The following PCDHGA5 variants were observed in gnomAD, a reference collection of about 807,000 sequenced individuals.
PCDHGA5 encodes protocadherin gamma-A5.
In PCDHGA5, 36 loss-of-function variants were observed where a neutral mutation model predicts 56.7. The ratio of observed to expected loss-of-function variants is 0.64; its 90% CI spans 0.49 to 0.84. The LOEUF is 0.84. Among genes scored for constraint, PCDHGA5 ranks in the 40% least tolerant of loss-of-function variants. The pLI is 0.00. For synonymous variants in PCDHGA5, 563 were observed against 520.2 expected, an observed-to-expected ratio of 1.08 and a Z score of -1.12; for missense variants, 1,305 against 1,201.5, an observed-to-expected ratio of 1.09 and a Z score of -1.27.
At chr5:141,421,512 G>A in intron 1 of PCDHGA5, 1 of 1,614,094 alleles carries the variant, frequency 6.2e-7, no homozygotes, top group Non-Finnish European at 8.5e-7. Flanking sequence ...ACCGGGAGGA[G>A]CTCTGTGAGA....
At chr5:141,466,058 C>T (rs970494567) in intron 1 of PCDHGA5, among the ~76,000 whole-genome samples, 2 of 152,046 alleles carry the variant, frequency 1.3e-5, no homozygotes, top group African/African-American at 4.8e-5. Flanking sequence ...GGAGACGGAG[C>T]TTGCAGTGAG....
intron 1 of PCDHGA5, chr5:141,410,053 C>T: frequency 6.2e-7 from 1 of 1,613,160 alleles, no homozygotes; most frequent in African/African-American, 1.3e-5. Context: ...CCGGACTCTT[C>T]AGCCTGGGGC....
At chr5:141,395,485 T>C (rs2093239128) in intron 1 of PCDHGA5, 2 of 522,170 alleles carry the variant, frequency 3.8e-6, no homozygotes, top group Non-Finnish European at 6.6e-6. Context: ...TTATTCCTAT[T>C]ATCACTCATT....
chr5:141,487,356 C>T lies in PCDHGA5; in HGVS notation c.2422-7451C>T. 6.2e-7 allele frequency: 1 copy of T among 1,614,220 alleles called. No individual in the cohort carries two copies. The highest frequency in any genetic ancestry group is 8.5e-7 in the Non-Finnish European group (1 of 1,180,042). ...GCCTGTGGAGTCACATGCTTTCCTG[C>T]TGGCACCTGTGCCTGTCTCACCAGA... On this transcript the variant is annotated intron_variant, in intron 1 of 3. Transcript: ENST00000518069. This position sits in a 1 kb window ranked among gnomAD's most constrained non-coding sequence, Gnocchi z 5.0.
At chr5:141,380,706 T>C (rs1203086162) in intron 1 of PCDHGA5, among the ~76,000 whole-genome samples, 1 of 152,260 alleles carries the variant, frequency 6.6e-6, no homozygotes, top group Non-Finnish European at 1.5e-5. Context: ...GTCTATAATT[T>C]AATTTAACTA....
Position 141,432,206 on chromosome 5 carries a change from G to T in PCDHGA5, c.2422-62601G>T, listed in dbSNP as rs551220443. ...GACCGCCCACGACCCCGACTGTGAA[G>T]AGAACGCCCAGATCACTTATTCCCT... On this transcript the variant is annotated intron_variant, in intron 1 of 3. Coordinates refer to ENST00000518069, the MANE Select transcript of PCDHGA5 (RefSeq NM_018918.3). The surrounding 1 kb of genome is among the most constrained non-coding windows in gnomAD (Gnocchi z 6.0). 12 of 1,614,214 alleles carry T rather than the reference G, an allele frequency of 7.4e-6. No individual in the cohort carries two copies. The Admixed American group carries it at 8.3e-5, about 11-fold the overall frequency.
intron 1 of PCDHGA5, among the ~76,000 whole-genome samples, chr5:141,467,743 C>T (rs1166073224): frequency 8.5e-5 from 13 of 152,052 alleles, no homozygotes; most frequent in Non-Finnish European, 1.8e-4. Flanking sequence ...CTCGCTGCAA[C>T]CTCCGCCTCA....
chr5:141,383,095 A>G, intron 1 of PCDHGA5: 1 of 1,613,956 alleles, frequency 6.2e-7, no homozygotes, highest in Non-Finnish European at 8.5e-7. Context: ...CGGAGTCCGC[A>G]TCATCTCCAG....
intron 1 of PCDHGA5, chr5:141,414,950 TGACCAA>T (rs778670321): frequency 6.2e-7 from 1 of 1,614,030 alleles, no homozygotes; most frequent in South Asian, 1.1e-5. Context: ...GGCTACCTGG[TGACCAA>T]GGTGGTGGCG....
intron 1 of PCDHGA5, among the ~76,000 whole-genome samples, chr5:141,484,837 T>C (rs1289449270): frequency 6.6e-6 from 1 of 151,620 alleles, no homozygotes; most frequent in Non-Finnish European, 1.5e-5. Context: ...GGCGAAAAGA[T>C]AGGCTGGGTT....
In PCDHGA5 at chr5:141,493,364, TTGGAAC is replaced by T. The variant is rs1405602213; in HGVS notation, c.2422-1441_2422-1436del. Among the ~76,000 whole-genome samples, 1 of 152,184 alleles carries T rather than the reference TTGGAAC, an allele frequency of 6.6e-6. No homozygotes were observed. Among genetic ancestry groups the T allele is most frequent in the South Asian group, 2.1e-4 (1 of 4,824 alleles). On this transcript the variant is annotated intron_variant, in intron 1 of 3. Coordinates refer to ENST00000518069, the MANE Select transcript of PCDHGA5 (RefSeq NM_018918.3). The surrounding 1 kb of genome is among the most constrained non-coding windows in gnomAD (Gnocchi z 4.3). Reference sequence around the variant, plus strand: ...ATGTGTGCTTTTAATTTCTTGGCACTTGGAACTTTAAAAGCTTGAGGACAGGAGAGG... The same window carrying T: ...ATGTGTGCTTTTAATTTCTTGGCACTTTTAAAAGCTTGAGGACAGGAGAGG...
At chr5:141,433,045 C>T (rs1183696623) in intron 1 of PCDHGA5, 1 of 1,614,196 alleles carries the variant, frequency 6.2e-7, no homozygotes, top group South Asian at 1.1e-5. Flanking sequence ...TCACCACGGA[C>T]TCGCGGAAGA....
intron 1 of PCDHGA5, chr5:141,414,732 T>G: frequency 6.2e-7 from 1 of 1,614,186 alleles, no homozygotes; most frequent in Non-Finnish European, 8.5e-7. Context: ...GCGTCCTGTA[T>G]GCACTCAGAT....
chr5:141,430,399 T>G (rs2097282187), intron 1 of PCDHGA5, among the ~76,000 whole-genome samples: 1 of 150,106 alleles, frequency 6.7e-6, no homozygotes, highest in Admixed American at 6.6e-5. Flanking sequence ...AAAAAAAAGC[T>G]CACTAAAGTT....
At chr5:141,469,249 C>T (rs1025813940) in intron 1 of PCDHGA5, among the ~76,000 whole-genome samples, 1 of 152,026 alleles carries the variant, frequency 6.6e-6, no homozygotes, top group Non-Finnish European at 1.5e-5. Flanking sequence ...TGCACTCCAG[C>T]TTGGGCAACA....
chr5:141,384,828 G>T (rs746957314), intron 1 of PCDHGA5: 2 of 1,613,488 alleles, frequency 1.2e-6, no homozygotes, highest in African/African-American at 1.3e-5. Flanking sequence ...AGAGCCTCGT[G>T]GTGGCCGTCC....
intron 1 of PCDHGA5, chr5:141,413,400 G>T: frequency 6.2e-7 from 1 of 1,614,060 alleles, no homozygotes. Context: ...CCAGAGGTAG[G>T]ACGCAGCTTT....
intron 2 of PCDHGA5, 149 bp from the exon 3 acceptor site, chr5:141,505,244 T>C (rs886952348): frequency 7.0e-7 from 1 of 1,428,216 alleles, no homozygotes; most frequent in Non-Finnish European, 9.4e-7. Context: ...TGAAGGATTG[T>C]AGAAGTGCCT....
chr5:141,370,814 G>T, intron 1 of PCDHGA5: 1 of 1,614,024 alleles, frequency 6.2e-7, no homozygotes, highest in Non-Finnish European at 8.5e-7. Flanking sequence ...TCACTGAGCT[G>T]GAAATCAGCG....
Sources: gnomAD v4.1 joint callset for allele counts (sites outside exome capture counted in the v4.1 genomes callset) on GRCh38, gnomAD v4.1.1 for gene constraint, Gnocchi (gnomAD v3.1) non-coding constraint, MANE v1.5 for transcripts, NCBI Gene and HGNC (gene_info 2026-07-23, HGNC 2026-07-21) for gene names.